WWOX: variants seen among roughly 807,000 people sequenced by gnomAD.
WWOX encodes WW domain containing oxidoreductase.
WWOX carries 69 observed loss-of-function variants against 46.2 expected under a neutral mutation model. The ratio of observed to expected loss-of-function variants is 1.49; its 90% confidence interval spans 1.23 to 1.82. WWOX has a LOEUF of 1.82. Among genes scored for constraint, WWOX ranks in the 40% most tolerant of loss-of-function variants. The pLI is 0.00. For missense variants in WWOX, 919 were observed against 542.6 expected, an observed-to-expected ratio of 1.69 and a Z score of -6.89; for synonymous variants, 359 against 202.6, an observed-to-expected ratio of 1.77 and a Z score of -6.56.
chr16:78,371,284 T>G (rs1333996107), intron 5 of WWOX, among the ~76,000 whole-genome samples: 8 of 152,194 alleles, frequency 5.3e-5, no homozygotes, highest in Admixed American at 4.6e-4. Context: ...ATATAACTTT[T>G]TTAAGATGAA....
chr16:79,200,188 C>G (rs1318057766), intron 8 of WWOX, among the ~76,000 whole-genome samples: 1 of 152,128 alleles, frequency 6.6e-6, no homozygotes, highest in African/African-American at 2.4e-5. Flanking sequence ...CGCCAGAGGC[C>G]TGGTGGGAAG....
At chr16:78,643,933 A>G (rs1237325578) in intron 8 of WWOX, among the ~76,000 whole-genome samples, 2 of 152,140 alleles carry the variant, frequency 1.3e-5, no homozygotes, top group Non-Finnish European at 2.9e-5. Context: ...ACAAACAACA[A>G]AAAACACAGC....
chr16:78,434,929 A>T (rs2083301980), intron 8 of WWOX, among the ~76,000 whole-genome samples: 1 of 152,366 alleles, frequency 6.6e-6, no homozygotes, highest in South Asian at 2.1e-4. Flanking sequence ...CTGCTAAAAT[A>T]TAAAGTCAGG....
intron 5 of WWOX, among the ~76,000 whole-genome samples, chr16:78,240,862 T>G (rs999495471): frequency 6.6e-6 from 1 of 152,312 alleles, no homozygotes; most frequent in Non-Finnish European, 1.5e-5. Context: ...AATGGGTCTC[T>G]CTGGTCATTC....
chr16:78,321,328 GTATATATGCGTATATATATA>G (rs2080468483), intron 5 of WWOX, among the ~76,000 whole-genome samples: 1 of 66,306 alleles, frequency 1.5e-5, no homozygotes, highest in Non-Finnish European at 2.6e-5. Context: ...ATATATATAC[GTATATATGCGTATATATATA>G]CGTATATATG....
intron 5 of WWOX, among the ~76,000 whole-genome samples, chr16:78,251,076 G>A (rs992753318): frequency 6.6e-6 from 1 of 152,146 alleles, no homozygotes; most frequent in Non-Finnish European, 1.5e-5. Flanking sequence ...TTACGTTACC[G>A]CTATTGGGGT....
At chr16:78,133,278 A>T (rs2033667518) in intron 4 of WWOX, among the ~76,000 whole-genome samples, 1 of 152,142 alleles carries the variant, frequency 6.6e-6, no homozygotes, top group Non-Finnish European at 1.5e-5. Context: ...ACTTTTTTTG[A>T]AAGATGGAGT....
intron 8 of WWOX, among the ~76,000 whole-genome samples, chr16:79,198,357 A>T (rs868181261): frequency 1.3e-5 from 2 of 152,296 alleles, no homozygotes; most frequent in African/African-American, 4.8e-5. Flanking sequence ...AGTAAAGAAA[A>T]GAAAAGAGTA....
intron 8 of WWOX, among the ~76,000 whole-genome samples, chr16:78,522,260 G>A (rs1415578246): frequency 6.6e-6 from 1 of 151,860 alleles, no homozygotes; most frequent in Admixed American, 6.6e-5. Context: ...AAAAATAAGG[G>A]TTAGGATTAA....
chr16:78,709,320 G>C (rs1398070886), intron 8 of WWOX, among the ~76,000 whole-genome samples: 1 of 152,208 alleles, frequency 6.6e-6, no homozygotes, highest in Admixed American at 6.5e-5. Context: ...AACTTACGTA[G>C]TGATCACAGA....
chr16:78,372,830 A>G (rs1026159068), intron 5 of WWOX, among the ~76,000 whole-genome samples: 1 of 151,968 alleles, frequency 6.6e-6, no homozygotes, highest in Non-Finnish European at 1.5e-5. Context: ...AAGTTGCTTT[A>G]TTTTTCTAAT....
intron 6 of WWOX, among the ~76,000 whole-genome samples, chr16:78,422,836 T>C (rs1267180650): frequency 1.9e-5 from 2 of 106,682 alleles, no homozygotes; most frequent in African/African-American, 8.1e-5. Context: ...CATATATATA[T>C]ATACATATAC....
chr16:78,953,394 C>T (rs1206556571), intron 8 of WWOX, among the ~76,000 whole-genome samples: 1 of 152,182 alleles, frequency 6.6e-6, no homozygotes, highest in East Asian at 1.9e-4. Flanking sequence ...CTGCTAATTG[C>T]AAACACAAAA....
At chr16:78,452,517 C>G (rs1026888826) in intron 8 of WWOX, among the ~76,000 whole-genome samples, 2 of 137,274 alleles carry the variant, frequency 1.5e-5, no homozygotes, top group African/African-American at 2.8e-5. Context: ...TATTCTGTTG[C>G]CCAGGCTGGA....
chr16:78,734,954 C>T (rs1417847313), intron 8 of WWOX, among the ~76,000 whole-genome samples: 4 of 145,308 alleles, frequency 2.8e-5, no homozygotes, highest in South Asian at 2.2e-4. Flanking sequence ...CAACCTCAGC[C>T]TCCCAGGTTC....
At chr16:78,215,044 A>T (rs117571974) in intron 5 of WWOX, among the ~76,000 whole-genome samples, 1 of 152,314 alleles carries the variant, frequency 6.6e-6, no homozygotes, top group East Asian at 1.9e-4. Context: ...GGTTTGAGAC[A>T]TGGCGGGGTT....
chr16:78,418,948 G>A (rs1210802997), intron 6 of WWOX, among the ~76,000 whole-genome samples: 1 of 151,318 alleles, frequency 6.6e-6, no homozygotes, highest in Admixed American at 6.6e-5. Flanking sequence ...AGGGAAATTG[G>A]GCAAAAAACA....
intron 8 of WWOX, among the ~76,000 whole-genome samples, chr16:78,651,059 C>T (rs1446186088): frequency 1.3e-5 from 2 of 152,218 alleles, no homozygotes; most frequent in Non-Finnish European, 2.9e-5. Flanking sequence ...AAGCCATTGC[C>T]CATCTGTTCA....
chr16:78,164,252 G>A lies in WWOX; in HGVS notation c.479G>A (p.Arg160Lys), dbSNP rs1400417039. ...HVILACRNMA[R>K]ASEAVSRILE... is the part of the protein sequence containing the mutation. ...ATCTTGGCCTGCAGGAACATGGCAAGGGCGAGTGAAGCAGTGTCACGCATT... is the reference window on the plus strand; with the variant it reads ...ATCTTGGCCTGCAGGAACATGGCAAAGGCGAGTGAAGCAGTGTCACGCATT... The change falls in exon 5 of 9, where the codon AGG becomes AAG. Residue 160 changes from arginine (R) to lysine (K), a missense_variant. Physicochemically the swap from Arg to Lys is conservative, Grantham distance 26. Coordinates refer to ENST00000566780, the MANE Select transcript of WWOX (RefSeq NM_016373.4). The A allele has an allele frequency of 6.2e-7, 1 of 1,614,112 alleles. No homozygotes were observed. Among genetic ancestry groups the A allele is most frequent in the Admixed American group, 1.7e-5 (1 of 60,016 alleles).
Sources: allele counts gnomAD v4.1 joint callset (sites outside exome capture counted in the v4.1 genomes callset), GRCh38; gene constraint gnomAD v4.1.1; transcripts MANE v1.5; gene names NCBI Gene and HGNC (gene_info 2026-07-23, HGNC 2026-07-21).